EGFR: variants seen among roughly 807,000 people sequenced by gnomAD.
EGFR encodes the protein epidermal growth factor receptor, also known as avian erythroblastic leukemia viral (v-erb-b) oncogene homolog.
EGFR carries 58 observed loss-of-function variants against 143.0 expected under a neutral mutation model. The ratio of observed to expected loss-of-function variants is 0.41; its 90% CI spans 0.33 to 0.50. The LOEUF is 0.50. EGFR is among the 20% of genes least tolerant of loss of function. The pLI, the probability that EGFR is intolerant of heterozygous loss-of-function variation, is 0.39. For synonymous variants in EGFR, 613 were observed against 594.4 expected, an observed-to-expected ratio of 1.03 and a Z score of -0.45; for missense variants, 1,307 against 1,579.0, an observed-to-expected ratio of 0.83 and a Z score of 2.92.
chr7:55,115,419 T>C (rs1030751149), intron 1 of EGFR, among the ~76,000 whole-genome samples: 1 of 152,228 alleles, frequency 6.6e-6, no homozygotes, highest in Non-Finnish European at 1.5e-5. Flanking sequence ...ATTCAGTCAA[T>C]GGCTGCTATT....
At position 55,205,575 on chromosome 7, in the gene EGFR, C is replaced by G. The variant is rs376541336; in HGVS notation, c.3591C>G (p.Tyr1197Ter). ...GCTCCACAGCTGAAAATGCAGAATA[C>G]CTAAGGGTCGCGCCACAAAGCAGTG... ...FKGSTAENAE[Y>*]LRVAPQSSEF... The change falls in exon 28 of 28, where the codon TAC (tyrosine) becomes TAG (stop). Residue 1197 changes from tyrosine (Y) to a stop codon, truncating the protein, a stop_gained. Coordinates refer to ENST00000275493, the MANE Select transcript of EGFR (RefSeq NM_005228.5). LOFTEE classifies it high-confidence loss of function. 6.2e-7 allele frequency: 1 copy of G among 1,614,164 alleles called. No individual in the cohort carries two copies. The highest frequency in any genetic ancestry group is 8.5e-7 in the Non-Finnish European group (1 of 1,180,018).
chr7:55,103,397 C>T (rs565020442), intron 1 of EGFR, among the ~76,000 whole-genome samples: 1 of 152,316 alleles, frequency 6.6e-6, no homozygotes, highest in African/African-American at 2.4e-5. Flanking sequence ...AAGTGCATAA[C>T]CATAATATGT....
chr7:55,081,729 T>TA (rs1183182860), intron 1 of EGFR, among the ~76,000 whole-genome samples: 25 of 139,272 alleles, frequency 1.8e-4, no homozygotes, highest in Non-Finnish European at 3.0e-4. Flanking sequence ...GGTTTTTTTT[T>TA]TTTTATTTGC....
intron 1 of EGFR, among the ~76,000 whole-genome samples, chr7:55,093,908 T>A (rs981303018): frequency 6.6e-6 from 1 of 151,948 alleles, no homozygotes; most frequent in African/African-American, 2.4e-5. Context: ...GCTCAGGGAG[T>A]GCAGAGGTGC....
chr7:55,019,877 C>A (rs1371098717), intron 1 of EGFR, among the ~76,000 whole-genome samples: 3 of 152,192 alleles, frequency 2.0e-5, no homozygotes, highest in Non-Finnish European at 4.4e-5. Flanking sequence ...AATACAGCCT[C>A]CCCTCGGACC....
intron 20 of EGFR, among the ~76,000 whole-genome samples, chr7:55,182,791 C>T (rs951514729): frequency 6.6e-5 from 10 of 152,156 alleles, no homozygotes; most frequent in African/African-American, 9.7e-5. Context: ...ATATTTTTGC[C>T]ATTCTCATGG....
At chr7:55,059,025 C>T (rs1165447705) in intron 1 of EGFR, among the ~76,000 whole-genome samples, 2 of 152,120 alleles carry the variant, frequency 1.3e-5, no homozygotes, top group East Asian at 1.9e-4. Flanking sequence ...TCTGTTGGAC[C>T]TGGTGTTGGG....
intron 20 of EGFR, among the ~76,000 whole-genome samples, chr7:55,187,981 C>T (rs974035228): frequency 6.6e-6 from 1 of 152,174 alleles, no homozygotes; most frequent in African/African-American, 2.4e-5. Flanking sequence ...TGCCTCAGGA[C>T]CAGCCCAAAG....
intron 16 of EGFR, chr7:55,172,725 G>A: frequency 1.2e-6 from 1 of 817,100 alleles, no homozygotes; most frequent in South Asian, 1.6e-5. Flanking sequence ...CTCATTATAT[G>A]GAGAGGTCCA....
intron 1 of EGFR, among the ~76,000 whole-genome samples, chr7:55,120,493 G>A (rs1159454339): frequency 2.0e-5 from 3 of 152,204 alleles, no homozygotes; most frequent in South Asian, 2.1e-4. Flanking sequence ...ACGTTTACAT[G>A]GAAATGAACC....
At chr7:55,026,888 A>T (rs1302304319) in intron 1 of EGFR, among the ~76,000 whole-genome samples, 1 of 152,182 alleles carries the variant, frequency 6.6e-6, no homozygotes, top group Admixed American at 6.5e-5. Context: ...AAGGGAAAAA[A>T]AAAAGCTTTC....
intron 13 of EGFR, 59 bp downstream of exon 13, chr7:55,161,690 G>C: frequency 2.5e-6 from 4 of 1,613,316 alleles, no homozygotes; most frequent in Non-Finnish European, 3.4e-6. Context: ...CCAGGTTGTT[G>C]TTATAGCTTT....
intron 1 of EGFR, among the ~76,000 whole-genome samples, chr7:55,125,556 T>C (rs1240158275): frequency 6.6e-6 from 1 of 152,240 alleles, no homozygotes; most frequent in Non-Finnish European, 1.5e-5. Flanking sequence ...GCAAGGGCTC[T>C]GCCCTACAGC....
intron 20 of EGFR, among the ~76,000 whole-genome samples, chr7:55,187,456 C>T (rs1342434534): frequency 4.6e-5 from 7 of 152,174 alleles, no homozygotes; most frequent in Non-Finnish European, 1.0e-4. Flanking sequence ...ATGGATGCCC[C>T]AGCTCAGAGC....
chr7:55,161,693 A>G, intron 13 of EGFR, 62 bp downstream of exon 13: 2 of 1,612,678 alleles, frequency 1.2e-6, no homozygotes, highest in Non-Finnish European at 1.7e-6. Flanking sequence ...GGTTGTTGTT[A>G]TAGCTTTACA....
intron 1 of EGFR, among the ~76,000 whole-genome samples, chr7:55,088,639 G>T (rs985303243): frequency 6.6e-6 from 1 of 152,220 alleles, no homozygotes; most frequent in African/African-American, 2.4e-5. Flanking sequence ...CCGTCATTTG[G>T]CTTTCCCTGT....
intron 22 of EGFR, among the ~76,000 whole-genome samples, chr7:55,197,565 G>A (rs7782501): frequency 0.025 from 3,782 of 152,284 alleles, 155 homozygotes; most frequent in African/African-American, 0.087. Flanking sequence ...AGTGTTGAGA[G>A]AGGGAATCCT....
chr7:55,026,869 AAAAAAAAAAAGGG>A (rs1786921543), intron 1 of EGFR, among the ~76,000 whole-genome samples: 1 of 137,334 alleles, frequency 7.3e-6, no homozygotes, highest in South Asian at 2.7e-4. Context: ...TTTAACTGCC[AAAAAAAAAAAGGG>A]AAAAAAAAAA....
At chr7:55,148,044 G>A (rs1794859227) in intron 4 of EGFR, among the ~76,000 whole-genome samples, 1 of 152,204 alleles carries the variant, frequency 6.6e-6, no homozygotes, top group Admixed American at 6.5e-5. Context: ...TACAGACACT[G>A]GGGTTGCTTC....
Sources: gnomAD v4.1 joint callset for allele counts (sites outside exome capture counted in the v4.1 genomes callset) on GRCh38, gnomAD v4.1.1 for gene constraint, MANE v1.5 for transcripts, NCBI Gene and HGNC (gene_info 2026-07-23, HGNC 2026-07-21) for gene names.